The following FHAD1 variants were observed in gnomAD, a reference collection of about 807,000 sequenced individuals.
FHAD1 encodes forkhead-associated domain-containing protein 1.
A neutral mutation model predicts 191.3 loss-of-function variants in FHAD1; 146 were observed. That is an observed-to-expected ratio of 0.76 (90% CI 0.67 to 0.88). The LOEUF (loss-of-function observed/expected upper bound fraction) is 0.88. Ranked by LOEUF, FHAD1 falls within the 40% of genes least tolerant of loss-of-function variation. The probability of loss-of-function intolerance (pLI) is 0.00; values close to 1 mark genes in which losing one functional copy is unlikely to be tolerated. For synonymous variants in FHAD1, 616 were observed against 672.3 expected, an observed-to-expected ratio of 0.92 and a Z score of 1.29; for missense variants, 1,635 against 1,785.8, an observed-to-expected ratio of 0.92 and a Z score of 1.52.
chr1:15,368,119 G>A (rs1430684940), intron 25 of FHAD1, among the ~76,000 whole-genome samples: 3 of 152,110 alleles, frequency 2.0e-5, no homozygotes, highest in Admixed American at 1.3e-4. Flanking sequence ...CTACAGGCAT[G>A]AGCCACCAGG....
intron 3 of FHAD1, among the ~76,000 whole-genome samples, chr1:15,286,890 G>A (rs369389232): frequency 8.5e-5 from 13 of 152,326 alleles, no homozygotes; most frequent in East Asian, 5.8e-4. Context: ...CCTACTGAAT[G>A]TCCTAGCATG....
chr1:15,391,277 G>C lies in FHAD1; in HGVS notation c.4323+14G>C. 1 of 1,281,942 alleles carries C rather than the reference G, an allele frequency of 7.8e-7. No homozygotes were observed. Among genetic ancestry groups the C allele is most frequent in the Non-Finnish European group, 1.0e-6 (1 of 982,744 alleles). 79.4% of individuals were successfully genotyped at this position (1,281,942 alleles called of 1,614,324 possible). A position where few individuals can be genotyped will look rare whatever the true frequency, so the allele number is the denominator to read the frequency against. ...TCAAATTCCCAGGTGAGCAGAAAGA[G>C]CATCCTTTAGAATTCTCTTTTTTTG... On this transcript the variant is annotated intron_variant, in intron 33 of 33. Coordinates refer to ENST00000688493, the MANE Select transcript of FHAD1 (RefSeq NM_001391957.1).
chr1:15,248,407 C>T (rs558448821), intron 1 of FHAD1, among the ~76,000 whole-genome samples: 8 of 152,038 alleles, frequency 5.3e-5, no homozygotes, highest in Admixed American at 4.6e-4. Context: ...CTCATGTTTG[C>T]GTTGGTTCCC....
chr1:15,324,559 G>A lies in FHAD1; in HGVS notation c.1473G>A (p.Gln491=), dbSNP rs1361016544. 5.8e-6 allele frequency: 9 copies of A among 1,548,204 alleles called. No individual in the cohort carries two copies. The highest frequency in any genetic ancestry group is 3.9e-5 in the Admixed American group (2 of 50,980). ...TCAATTTGGAGAGGGCAGTAGGTCA[G>A]GTAGGCATGTTCCAGAGCCCCCCTC... ...IKINLERAVG[Q]LEHFRSQVIK... is the part of the protein sequence containing the mutation. Residue 491 remains glutamine (Q), a splice_region_variant and synonymous_variant, in exon 11 of 34, where the codon CAG becomes CAA. Coordinates refer to ENST00000688493, the MANE Select transcript of FHAD1 (RefSeq NM_001391957.1).
At chr1:15,355,892 T>C (rs1170331516) in intron 20 of FHAD1, among the ~76,000 whole-genome samples, 1 of 143,196 alleles carries the variant, frequency 7.0e-6, no homozygotes, top group African/African-American at 2.5e-5. Context: ...AAAAAGTGTT[T>C]TCTTTCCTGA....
intron 18 of FHAD1, among the ~76,000 whole-genome samples, chr1:15,347,462 G>A (rs1318896987): frequency 6.6e-6 from 1 of 152,162 alleles, no homozygotes; most frequent in Non-Finnish European, 1.5e-5. Flanking sequence ...AACTGCCAGT[G>A]GCTATTTGAT....
upstream of FHAD1, among the ~76,000 whole-genome samples, chr1:15,242,939 T>C (rs1645561868): frequency 2.6e-5 from 4 of 152,142 alleles, no homozygotes; most frequent in South Asian, 8.3e-4. Context: ...TGTATACCCA[T>C]TTTACAGGTG....
At chr1:15,308,500 C>G in intron 6 of FHAD1, 113 bp from the exon 7 acceptor site, 1 of 1,441,966 alleles carries the variant, frequency 6.9e-7, no homozygotes, top group Non-Finnish European at 9.3e-7. Context: ...TTGGTTTCCC[C>G]AACACCCCAG....
chr1:15,258,922 T>C (rs1471611550), intron 2 of FHAD1, among the ~76,000 whole-genome samples: 1 of 152,176 alleles, frequency 6.6e-6, no homozygotes, highest in South Asian at 2.1e-4. Flanking sequence ...TTCAGATCCA[T>C]ACCCAGAAGA....
chr1:15,342,177 T>C (rs1422465299), intron 16 of FHAD1, among the ~76,000 whole-genome samples: 1 of 152,222 alleles, frequency 6.6e-6, no homozygotes, highest in Non-Finnish European at 1.5e-5. Context: ...GAGTCATCGC[T>C]GCAGGTCCTG....
intron 2 of FHAD1, among the ~76,000 whole-genome samples, chr1:15,270,150 A>T (rs12047216): frequency 0.32 from 47,924 of 151,856 alleles, 8,172 homozygotes; most frequent in East Asian, 0.55. Context: ...ACCTCAGGGG[A>T]TCTGCCCGCC....
chr1:15,330,229 C>T (rs1026670268), intron 14 of FHAD1, among the ~76,000 whole-genome samples: 1 of 152,196 alleles, frequency 6.6e-6, no homozygotes, highest in Non-Finnish European at 1.5e-5. Flanking sequence ...GTTTTTCACA[C>T]TCATAAATCA....
intron 1 of FHAD1, among the ~76,000 whole-genome samples, chr1:15,237,575 G>A (rs1234794512): frequency 6.6e-6 from 1 of 152,096 alleles, no homozygotes; most frequent in African/African-American, 2.4e-5. Context: ...CCCTTCTACT[G>A]AGAATCCTAG....
At chr1:15,350,879 T>A (rs1690623723) in intron 19 of FHAD1, among the ~76,000 whole-genome samples, 1 of 151,800 alleles carries the variant, frequency 6.6e-6, no homozygotes, top group South Asian at 2.1e-4. Flanking sequence ...GGAAGTGAGG[T>A]CAGAGTCCAG....
At chr1:15,275,348 C>G (rs1361043514) in intron 3 of FHAD1, among the ~76,000 whole-genome samples, 1 of 152,202 alleles carries the variant, frequency 6.6e-6, no homozygotes, top group Non-Finnish European at 1.5e-5. Context: ...GCTTTATTAG[C>G]TAAGGGACTT....
At chr1:15,313,505 G>C (rs576909935) in intron 8 of FHAD1, among the ~76,000 whole-genome samples, 27 of 152,278 alleles carry the variant, frequency 1.8e-4, no homozygotes, top group Admixed American at 1.7e-3. Context: ...AAATGAGTTT[G>C]GTTAATTCCA....
At chr1:15,279,943 C>T (rs998058759) in intron 3 of FHAD1, among the ~76,000 whole-genome samples, 1 of 152,168 alleles carries the variant, frequency 6.6e-6, no homozygotes, top group African/African-American at 2.4e-5. Flanking sequence ...AGCTGAGCCT[C>T]CGTAATGAGA....
At chr1:15,246,078 TAC>T (rs1308210691), upstream of FHAD1, among the ~76,000 whole-genome samples, 2 of 152,160 alleles carry the variant, frequency 1.3e-5, no homozygotes, top group African/African-American at 4.8e-5. Context: ...TCAGGAAACT[TAC>T]AGTTATGGCG....
At chr1:15,341,358 A>C (rs1014917463) in intron 15 of FHAD1, among the ~76,000 whole-genome samples, 9 of 152,176 alleles carry the variant, frequency 5.9e-5, no homozygotes, top group African/African-American at 2.2e-4. Flanking sequence ...ACAAATGTTC[A>C]AGCGTCCTGG....
Sources: gnomAD v4.1 joint callset for allele counts (sites outside exome capture counted in the v4.1 genomes callset) on GRCh38, gnomAD v4.1.1 for gene constraint, MANE v1.5 for transcripts, NCBI Gene and HGNC (gene_info 2026-07-23, HGNC 2026-07-21) for gene names.